Variants in PLCB1 observed in about 807,000 individuals in gnomAD.
PLCB1 encodes the protein phospholipase C beta 1.
In PLCB1, 46 loss-of-function variants were observed where a neutral mutation model predicts 161.8. The observed-to-expected ratio is 0.28, with a 90% CI of 0.22 to 0.36. The LOEUF is 0.36. PLCB1 is among the 10% of genes least tolerant of loss of function. The pLI, the probability that PLCB1 is intolerant of heterozygous loss-of-function variation, is 1.00. For missense variants in PLCB1, 1,016 were observed against 1,472.5 expected, an observed-to-expected ratio of 0.69 and a Z score of 5.07; for synonymous variants, 517 against 503.7, an observed-to-expected ratio of 1.03 and a Z score of -0.35.
intron 3 of PLCB1, among the ~76,000 whole-genome samples, chr20:8,392,575 G>A (rs1037305715): frequency 2.0e-5 from 3 of 152,022 alleles, no homozygotes; most frequent in African/African-American, 7.2e-5. Context: ...TGATCCCTGG[G>A]GACTAAAGGT....
At position 8,175,553 on chromosome 20, in the gene PLCB1, C is replaced by T. The variant is rs1244992332; in HGVS notation, c.177+25182C>T. ...ATAGATCCTAGATATAAATCTAAAA[C>T]ATAAAACTGTAAAACTTTTAGGAAA... On this transcript the variant is annotated intron_variant, in intron 2 of 31. Transcript: ENST00000338037. 2.0e-5 allele frequency among the ~76,000 whole-genome samples: 3 copies of T among 151,906 alleles called. No homozygotes were observed. In the East Asian group the frequency reaches 5.8e-4, roughly 29 times the overall value.
intron 2 of PLCB1, among the ~76,000 whole-genome samples, chr20:8,213,173 G>T (rs906816798): frequency 6.6e-6 from 1 of 152,126 alleles, no homozygotes; most frequent in Non-Finnish European, 1.5e-5. Flanking sequence ...AGGCTAAAGT[G>T]GTAAACAAGA....
chr20:8,349,632 T>G (rs897682289), intron 2 of PLCB1, among the ~76,000 whole-genome samples: 5 of 152,188 alleles, frequency 3.3e-5, no homozygotes, highest in Non-Finnish European at 7.3e-5. Context: ...TGTTTTGGTT[T>G]TTTGTTTGTT....
At chr20:8,365,044 G>A (rs1986662532) in intron 2 of PLCB1, among the ~76,000 whole-genome samples, 1 of 152,060 alleles carries the variant, frequency 6.6e-6, no homozygotes, top group Admixed American at 6.6e-5. Flanking sequence ...CTTAGAATGG[G>A]AAATCTTGCA....
intron 11 of PLCB1, among the ~76,000 whole-genome samples, chr20:8,705,801 T>A (rs1379364952): frequency 1.3e-5 from 2 of 152,158 alleles, no homozygotes; most frequent in African/African-American, 4.8e-5. Context: ...AGAGATGTAT[T>A]TAAAGAAATG....
At chr20:8,736,330 A>G (rs1980582832) in intron 19 of PLCB1, among the ~76,000 whole-genome samples, 1 of 152,218 alleles carries the variant, frequency 6.6e-6, no homozygotes, top group African/African-American at 2.4e-5. Context: ...TTAAGTCTAT[A>G]ATATCCATTA....
In PLCB1 at chr20:8,247,252, A is replaced by G. The variant is rs149731837; in HGVS notation, c.177+96881A>G. Among the ~76,000 whole-genome samples, 7 of 152,080 alleles carry G rather than the reference A, an allele frequency of 4.6e-5. 1 individual carries two copies. Among genetic ancestry groups the G allele is most frequent in the African/African-American group, 1.7e-4 (7 of 41,528 alleles). The stretch of plus-strand genomic sequence containing the variant: ...ATAAAGGGTTCATCACCTGAGATGC[A>G]TGGGTTTCTTATTTCTTGGCCCTCA... On this transcript the variant is annotated intron_variant, in intron 2 of 31. Transcript: ENST00000338037.
At chr20:8,357,662 A>G (rs1986404332) in intron 2 of PLCB1, among the ~76,000 whole-genome samples, 1 of 152,160 alleles carries the variant, frequency 6.6e-6, no homozygotes, top group Non-Finnish European at 1.5e-5. Context: ...ACAAAATAAA[A>G]AAGGAAAAAA....
chr20:8,533,715 GT>G (rs1322029044), intron 3 of PLCB1, among the ~76,000 whole-genome samples: 4 of 150,832 alleles, frequency 2.7e-5, no homozygotes, highest in African/African-American at 9.8e-5. Context: ...GGGGTTGTTT[GT>G]TTTTTTCTTG....
chr20:8,272,950 A>G (rs1308614867), intron 2 of PLCB1, among the ~76,000 whole-genome samples: 1 of 152,180 alleles, frequency 6.6e-6, no homozygotes, highest in Non-Finnish European at 1.5e-5. Context: ...AGGAGCATGC[A>G]GCACATGTAT....
At chr20:8,704,459 G>A (rs576387651) in intron 11 of PLCB1, among the ~76,000 whole-genome samples, 31 of 152,312 alleles carry the variant, frequency 2.0e-4, no homozygotes, top group Admixed American at 9.1e-4. Context: ...CAGCCATGAA[G>A]TTGTTAAAAA....
intron 3 of PLCB1, among the ~76,000 whole-genome samples, chr20:8,493,427 C>T (rs949363898): frequency 2.6e-5 from 4 of 152,136 alleles, no homozygotes; most frequent in Non-Finnish European, 2.9e-5. Context: ...TGTGATTTTA[C>T]ATCATTTGAT....
chr20:8,495,979 G>A (rs1983155060), intron 3 of PLCB1, among the ~76,000 whole-genome samples: 1 of 152,040 alleles, frequency 6.6e-6, no homozygotes, highest in Non-Finnish European at 1.5e-5. Context: ...TCTACATTAG[G>A]TTTTCCTCCA....
intron 2 of PLCB1, among the ~76,000 whole-genome samples, chr20:8,333,249 A>C (rs1277756905): frequency 6.6e-6 from 1 of 152,180 alleles, no homozygotes; most frequent in Non-Finnish European, 1.5e-5. Flanking sequence ...GACCATGAAT[A>C]CCCACATTGG....
At chr20:8,745,532 T>C (rs1335267498) in intron 23 of PLCB1, among the ~76,000 whole-genome samples, 1 of 152,062 alleles carries the variant, frequency 6.6e-6, no homozygotes, top group African/African-American at 2.4e-5. Context: ...GAAAGTGGAA[T>C]TTCCCCCATG....
intron 2 of PLCB1, among the ~76,000 whole-genome samples, chr20:8,350,399 T>A (rs1986145013): frequency 6.6e-6 from 1 of 152,216 alleles, no homozygotes; most frequent in African/African-American, 2.4e-5. Context: ...TCTCCATCCA[T>A]GTCCCTGTAA....
chr20:8,823,061 T>C (rs2146266831), intron 31 of PLCB1, among the ~76,000 whole-genome samples: 1 of 152,332 alleles, frequency 6.6e-6, no homozygotes, highest in African/African-American at 2.4e-5. Flanking sequence ...ATAACTAGCC[T>C]AGAGATGATT....
At chr20:8,369,975 TGAA>T (rs1053740037) in intron 2 of PLCB1, among the ~76,000 whole-genome samples, 1 of 152,164 alleles carries the variant, frequency 6.6e-6, no homozygotes, top group African/African-American at 2.4e-5. Flanking sequence ...AGCAGCTGTT[TGAA>T]GAAGTTGACT....
intron 11 of PLCB1, among the ~76,000 whole-genome samples, chr20:8,701,811 C>T (rs1219772330): frequency 2.0e-5 from 3 of 152,296 alleles, no homozygotes; most frequent in African/African-American, 7.2e-5. Context: ...TTTCTTGCCT[C>T]TGCTCATCAG....
Sources: allele counts gnomAD v4.1 joint callset (sites outside exome capture counted in the v4.1 genomes callset), GRCh38; gene constraint gnomAD v4.1.1; transcripts MANE v1.5; gene names NCBI Gene and HGNC (gene_info 2026-07-23, HGNC 2026-07-21).